EIF4G3: variants seen among roughly 807,000 people sequenced by gnomAD.
EIF4G3 encodes eukaryotic translation initiation factor 4 gamma 3.
Under a neutral mutation model 186.4 loss-of-function variants are expected in EIF4G3, and 34 were observed. That is an observed-to-expected ratio of 0.18 (90% CI 0.14 to 0.24). The LOEUF (loss-of-function observed/expected upper bound fraction) is 0.24, where lower values mean the gene tolerates loss of function less well. EIF4G3 is among the 10% of genes least tolerant of loss of function. The pLI is 1.00. For synonymous variants in EIF4G3, 673 were observed against 679.5 expected (o/e 0.99, Z 0.15); for missense variants, 1,536 against 1,948.5 (o/e 0.79, Z 3.99).
intron 5 of EIF4G3, 134 bp downstream of exon 5, chr1:21,002,578 AG>A: frequency 1.2e-6 from 1 of 814,374 alleles, no homozygotes; most frequent in Non-Finnish European, 1.9e-6. Context: ...AAATAATAGT[AG>A]GAGTCATAAT....
chr1:21,052,706 G>C (rs985835293), intron 3 of EIF4G3, among the ~76,000 whole-genome samples: 9 of 152,208 alleles, frequency 5.9e-5, no homozygotes, highest in Non-Finnish European at 8.8e-5. Context: ...TCAGCCTGCC[G>C]AGTGCCTGCG....
At position 20,910,653 on chromosome 1, in the gene EIF4G3, T is replaced by C. The variant is rs146662508; in HGVS notation, c.1664-5682A>G. ...TATCTTTAGAAAATCCACATAAGGA[T>C]AAAATTAAACTGGTCAAGTTTCACA... On this transcript the variant is annotated intron_variant, in intron 14 of 36. Transcript: ENST00000602326. Among the ~76,000 whole-genome samples, 99 of 152,286 alleles carry C rather than the reference T, an allele frequency of 6.5e-4. 1 individual carries two copies. In the East Asian group the frequency reaches 0.017, roughly 26 times the overall value.
intron 4 of EIF4G3, among the ~76,000 whole-genome samples, chr1:21,032,172 G>A (rs1391422997): frequency 6.6e-6 from 1 of 151,988 alleles, no homozygotes; most frequent in South Asian, 2.1e-4. Context: ...ATCCATTAAC[G>A]CTGGAAATTA....
At position 21,007,538 on chromosome 1, in the gene EIF4G3, C is replaced by CAAACAAAAAAAA. The variant is rs1471121881; in HGVS notation, c.-66-4731_-66-4730insTTTTTTTTGTTT. On this transcript the variant is annotated intron_variant, in intron 4 of 36. Coordinates refer to ENST00000602326, the MANE Select transcript of EIF4G3 (RefSeq NM_001391906.1). ...CTTAAAAAAAAAAAAAAAAAAAAAA[C>CAAACAAAAAAAA]ACACTCAAAAACAAAAAAACTGGAA... 6.8e-5 allele frequency among the ~76,000 whole-genome samples: 4 copies of CAAACAAAAAAAA among 58,522 alleles called. No homozygotes were observed. In the East Asian group the frequency reaches 1.9e-3, roughly 27 times the overall value. The allele number at this position is 58,522 out of a possible 152,430, so 38.4% of individuals were successfully genotyped here.
intron 7 of EIF4G3, among the ~76,000 whole-genome samples, chr1:20,989,042 AGAGAGGAGAG>A (rs1558588533): frequency 2.6e-5 from 1 of 37,902 alleles, no homozygotes; most frequent in African/African-American, 1.1e-4. Flanking sequence ...TCCCCCAAAA[AGAGAGGAGAG>A]GAGAGGAGGG....
Position 21,176,241 on chromosome 1 carries a change from G to A in EIF4G3, c.-338C>T, listed in dbSNP as rs1311304250. 5.5e-6 allele frequency: 2 copies of A among 365,008 alleles called. No individual in the cohort carries two copies. The highest frequency in any genetic ancestry group is 4.7e-6 in the Non-Finnish European group (1 of 210,542). 22.6% of individuals were successfully genotyped at this position (365,008 alleles called of 1,614,324 possible). On this transcript the variant is annotated 5_prime_UTR_variant, in exon 2 of 37. Transcript: ENST00000602326. Reference sequence around the variant, plus strand: ...AGGAGGGGGGACCGCTGCCGCCGCCGCCGCCGCCGCCGCCGCCGCCGCCGC... The same window carrying A: ...AGGAGGGGGGACCGCTGCCGCCGCCACCGCCGCCGCCGCCGCCGCCGCCGC...
In EIF4G3 at chr1:20,860,439, GTTC is replaced by G; in HGVS notation, c.3187_3189del (p.Glu1063del). ...TGCTGGACCTTCCTTTGCTCTTCTT[GTTC>G]TTCTATTTTAGCCTCTTTGTGAATC... is the stretch of plus-strand genomic sequence containing the variant. On this transcript the variant is annotated inframe_deletion, in exon 24 of 37. Transcript: ENST00000602326. 6.2e-7 allele frequency: 1 copy of G among 1,613,884 alleles called. No individual in the cohort carries two copies. Among genetic ancestry groups the G allele is most frequent in the Non-Finnish European group, 8.5e-7 (1 of 1,179,956 alleles).
chr1:21,089,005 T>C, intron 3 of EIF4G3, 133 bp downstream of exon 3: 1 of 619,874 alleles, frequency 1.6e-6, no homozygotes, highest in Non-Finnish European at 2.9e-6. Flanking sequence ...GGGCCTATCA[T>C]TCTATTCAGA....
intron 4 of EIF4G3, among the ~76,000 whole-genome samples, chr1:21,019,561 G>A (rs2090145487): frequency 6.6e-6 from 1 of 152,104 alleles, no homozygotes; most frequent in South Asian, 2.1e-4. Context: ...TTATTATCGA[G>A]GGAGAGTAAG....
intron 4 of EIF4G3, among the ~76,000 whole-genome samples, chr1:21,021,967 CAT>C (rs1201542952): frequency 1.8e-4 from 27 of 152,260 alleles, no homozygotes; most frequent in African/African-American, 5.8e-4. Context: ...TTAATATTAA[CAT>C]AAAATCCAGC....
chr1:21,036,578 T>C (rs978640900), intron 4 of EIF4G3, among the ~76,000 whole-genome samples: 1 of 152,214 alleles, frequency 6.6e-6, no homozygotes, highest in African/African-American at 2.4e-5. Context: ...ACCATGTCTC[T>C]ATATAAATGC....
chr1:21,091,500 A>G (rs2096199485), intron 2 of EIF4G3, among the ~76,000 whole-genome samples: 1 of 152,066 alleles, frequency 6.6e-6, no homozygotes, highest in South Asian at 2.1e-4. Context: ...AACCACACGA[A>G]TATGTTTTTC....
chr1:21,064,411 C>T (rs2095120199), intron 3 of EIF4G3: 1 of 152,140 alleles, frequency 6.6e-6, no homozygotes, highest in African/African-American at 2.4e-5. Flanking sequence ...TTCTCTGTTA[C>T]TAATTCAACC....
chr1:20,856,954 A>G (rs936162747), intron 25 of EIF4G3, among the ~76,000 whole-genome samples: 1 of 152,056 alleles, frequency 6.6e-6, no homozygotes, highest in African/African-American at 2.4e-5. Context: ...CAAGGTCAGG[A>G]GATCGAGACC....
At chr1:21,121,359 T>C (rs543900787) in intron 2 of EIF4G3, among the ~76,000 whole-genome samples, 14 of 152,352 alleles carry the variant, frequency 9.2e-5, no homozygotes, top group African/African-American at 3.4e-4. Flanking sequence ...GAGTTTGTAG[T>C]GTAATTTCAA....
intron 17 of EIF4G3, among the ~76,000 whole-genome samples, chr1:20,894,933 T>G (rs1201950368): frequency 1.3e-5 from 2 of 152,216 alleles, no homozygotes; most frequent in South Asian, 4.1e-4. Flanking sequence ...ACATATTATT[T>G]GAATCATGTT....
At chr1:20,918,701 C>CT (rs35704755) in intron 14 of EIF4G3, among the ~76,000 whole-genome samples, 11,431 of 94,782 alleles carry the variant, frequency 0.12, 1,046 homozygotes, top group East Asian at 0.25. Context: ...CTCCTAGTAT[C>CT]TTTTTTTTTT....
intron 2 of EIF4G3, among the ~76,000 whole-genome samples, chr1:21,101,622 A>G (rs1238586374): frequency 2.9e-5 from 4 of 138,446 alleles, no homozygotes; most frequent in Non-Finnish European, 6.3e-5. Flanking sequence ...AGGAACAAAG[A>G]AAGAAAGGAA....
rs376092569 is a variant in EIF4G3 at position 20,829,286 on chromosome 1, G to C, written c.4062-14C>G. 8.1e-5 allele frequency: 130 copies of C among 1,609,600 alleles called. 1 individual carries two copies. The highest frequency in any genetic ancestry group is 6.6e-4 in the Middle Eastern group (4 of 6,076). ...GTTTCTGAAAAACTGAAAAGGAACA[G>C]GGGGTAAAAATCACATGCAAATGTA... is the stretch of plus-strand genomic sequence containing the variant. On this transcript the variant is annotated splice_polypyrimidine_tract_variant and intron_variant, in intron 30 of 36. Coordinates refer to ENST00000602326, the MANE Select transcript of EIF4G3 (RefSeq NM_001391906.1).
Sources: gnomAD v4.1 joint callset for allele counts (sites outside exome capture counted in the v4.1 genomes callset) on GRCh38, gnomAD v4.1.1 for gene constraint, MANE v1.5 for transcripts, NCBI Gene and HGNC (gene_info 2026-07-23, HGNC 2026-07-21) for gene names.